Variants in INPP4B observed in about 807,000 individuals in gnomAD.
INPP4B encodes the protein inositol polyphosphate 4-phosphatase type II.
Under a neutral mutation model 122.5 loss-of-function variants are expected in INPP4B, and 55 were observed. The observed-to-expected ratio is 0.45, with a 90% confidence interval of 0.36 to 0.56. INPP4B has a LOEUF of 0.56. Among genes scored for constraint, INPP4B ranks in the 20% least tolerant of loss-of-function variants. The pLI is 0.00. For synonymous variants in INPP4B, 403 were observed against 388.7 expected (o/e 1.04, Z -0.43); for missense variants, 1,000 against 1,097.7 (o/e 0.91, Z 1.26).
At chr4:142,463,440 T>C (rs1322547770) in intron 2 of INPP4B, among the ~76,000 whole-genome samples, 1 of 152,200 alleles carries the variant, frequency 6.6e-6, no homozygotes, top group African/African-American at 2.4e-5. Context: ...CACACCTCCA[T>C]GTGACTCCAC....
At chr4:142,604,274 G>A (rs1740723632) in intron 2 of INPP4B, among the ~76,000 whole-genome samples, 1 of 152,006 alleles carries the variant, frequency 6.6e-6, no homozygotes, top group Non-Finnish European at 1.5e-5. Flanking sequence ...CTAACATCAT[G>A]CTGAATGGAA....
chr4:142,176,884 A>G lies in INPP4B; in HGVS notation c.1182-3075T>C, dbSNP rs981757737. On this transcript the variant is annotated intron_variant, in intron 15 of 25. Coordinates refer to ENST00000262992, the MANE Select transcript of INPP4B (RefSeq NM_001101669.3). ...TCTCATAAAAGTTCCTTCTTAAGGT[A>G]TTCAAATTTTCTTAGCACCTTTTAC... is the stretch of plus-strand genomic sequence containing the variant. Among the ~76,000 whole-genome samples the G allele has an allele frequency of 4.6e-5, 7 of 152,298 alleles. No individual in the cohort carries two copies. The East Asian group carries it at 1.4e-3, about 29-fold the overall frequency.
At chr4:142,677,276 AT>A (rs1354104300) in intron 2 of INPP4B, among the ~76,000 whole-genome samples, 1 of 152,218 alleles carries the variant, frequency 6.6e-6, no homozygotes, top group East Asian at 1.9e-4. Context: ...AGAAATGCAA[AT>A]CAAAACCACA....
chr4:142,790,372 A>C (rs1248154744), intron 1 of INPP4B, among the ~76,000 whole-genome samples: 1 of 152,174 alleles, frequency 6.6e-6, no homozygotes, highest in Non-Finnish European at 1.5e-5. Context: ...AGCAAGAAAA[A>C]AAACAAACAA....
intron 12 of INPP4B, among the ~76,000 whole-genome samples, chr4:142,217,404 G>A (rs2149653471): frequency 6.6e-6 from 1 of 152,240 alleles, no homozygotes; most frequent in East Asian, 1.9e-4. Flanking sequence ...AATAAATGAA[G>A]TTTGCTTGCA....
chr4:142,818,656 C>T lies in INPP4B; in HGVS notation c.-254+27553G>A, dbSNP rs558981835. ...GAGCTCCTGGGATCACCTCCTGCCCCGATCCGTGTAGCCAGCAGCTGCCTC... is the reference window on the plus strand; with the variant it reads ...GAGCTCCTGGGATCACCTCCTGCCCTGATCCGTGTAGCCAGCAGCTGCCTC... On this transcript the variant is annotated intron_variant, in intron 1 of 25. Transcript: ENST00000262992. Among the ~76,000 whole-genome samples the T allele has an allele frequency of 9.9e-5, 15 of 152,172 alleles. No homozygotes were observed. The East Asian group carries it at 2.3e-3, about 24-fold the overall frequency.
chr4:142,679,744 C>A (rs934931712), intron 2 of INPP4B, among the ~76,000 whole-genome samples: 1 of 151,596 alleles, frequency 6.6e-6, no homozygotes, highest in Non-Finnish European at 1.5e-5. Flanking sequence ...TACTCTCTAT[C>A]GGATAACTTT....
At position 142,136,093 on chromosome 4, in the gene INPP4B, G is replaced by A. The variant is rs143295288; in HGVS notation, c.1720+9747C>T. Among the ~76,000 whole-genome samples the A allele has an allele frequency of 4.5e-4, 69 of 152,272 alleles. No individual in the cohort carries two copies. The East Asian group carries it at 6.2e-3, about 14-fold the overall frequency. ...ATTACAGGTGTGAGCCACCGTGCCC[G>A]GAGGGTGCTTTTTATTTACTCTTTT... On this transcript the variant is annotated intron_variant, in intron 18 of 25. Coordinates refer to ENST00000262992, the MANE Select transcript of INPP4B (RefSeq NM_001101669.3).
rs142188894 is a variant in INPP4B at position 142,338,608 on chromosome 4, A to G, written c.373-23846T>C. On this transcript the variant is annotated intron_variant, in intron 7 of 25. Transcript: ENST00000262992. ...TTGACATAAGCCCAACTAATGGGTG[A>G]GTTGGCTTTTGTTTTTCCTGCCTTT... is the stretch of plus-strand genomic sequence containing the variant. Among the ~76,000 whole-genome samples the G allele has an allele frequency of 7.3e-3, 1,108 of 152,298 alleles. 17 individuals are homozygous for G. Among genetic ancestry groups the G allele is most frequent in the African/African-American group, 0.024 (992 of 41,550 alleles).
At chr4:142,499,460 G>A in intron 2 of INPP4B, among the ~76,000 whole-genome samples, 1 of 152,138 alleles carries the variant, frequency 6.6e-6, no homozygotes, top group East Asian at 1.9e-4. Flanking sequence ...TTAAAATTGT[G>A]TTTGTATATA....
intron 1 of INPP4B, among the ~76,000 whole-genome samples, chr4:142,756,928 TA>T (rs1267832811): frequency 1.3e-5 from 2 of 152,124 alleles, no homozygotes; most frequent in Non-Finnish European, 2.9e-5. Context: ...TGGAAAGATC[TA>T]AAAAGGAGTC....
At chr4:142,271,784 A>G (rs750452476) in intron 9 of INPP4B, among the ~76,000 whole-genome samples, 1 of 152,188 alleles carries the variant, frequency 6.6e-6, no homozygotes, top group Non-Finnish European at 1.5e-5. Context: ...TTTATATTCA[A>G]TGATAATAAT....
intron 2 of INPP4B, among the ~76,000 whole-genome samples, chr4:142,513,875 G>A (rs1225506824): frequency 6.6e-6 from 1 of 152,208 alleles, no homozygotes; most frequent in Non-Finnish European, 1.5e-5. Flanking sequence ...GCAACAAGAT[G>A]CCTGCTTTGT....
At chr4:142,335,812 T>C (rs868070413) in intron 7 of INPP4B, among the ~76,000 whole-genome samples, 4 of 152,292 alleles carry the variant, frequency 2.6e-5, no homozygotes, top group Middle Eastern at 3.4e-3. Context: ...GTAACACCAA[T>C]GTGTAACCAC....
intron 1 of INPP4B, among the ~76,000 whole-genome samples, chr4:142,788,395 G>A (rs1442646891): frequency 6.6e-6 from 1 of 152,014 alleles, no homozygotes; most frequent in African/African-American, 2.4e-5. Flanking sequence ...TATAAGAAAC[G>A]TTCTGCCATG....
At chr4:142,708,614 C>T (rs1263145461) in intron 2 of INPP4B, among the ~76,000 whole-genome samples, 1 of 152,202 alleles carries the variant, frequency 6.6e-6, no homozygotes, top group Non-Finnish European at 1.5e-5. Flanking sequence ...GTGGCTTCCA[C>T]ATGGTGTTAA....
intron 21 of INPP4B, among the ~76,000 whole-genome samples, chr4:142,113,671 GTTTAA>G (rs1159011531): frequency 2.6e-5 from 4 of 151,882 alleles, no homozygotes; most frequent in Non-Finnish European, 4.4e-5. Flanking sequence ...ATTTTTCTTT[GTTTAA>G]TTGCTCTCAA....
chr4:142,430,342 G>A (rs187794699), intron 4 of INPP4B, among the ~76,000 whole-genome samples: 122 of 152,048 alleles, frequency 8.0e-4, no homozygotes, highest in African/African-American at 2.8e-3. Context: ...TTTTTAAAAG[G>A]TCATTAGCAA....
At chr4:142,246,391 T>G (rs1464466697) in intron 11 of INPP4B, among the ~76,000 whole-genome samples, 1 of 152,188 alleles carries the variant, frequency 6.6e-6, no homozygotes, top group Non-Finnish European at 1.5e-5. Flanking sequence ...TTGGGCAGTA[T>G]AGCCACTTTC....
Sources: gnomAD v4.1 joint callset for allele counts (sites outside exome capture counted in the v4.1 genomes callset) on GRCh38, gnomAD v4.1.1 for gene constraint, MANE v1.5 for transcripts, NCBI Gene and HGNC (gene_info 2026-07-23, HGNC 2026-07-21) for gene names.